Variants in SCARB1 observed in about 807,000 individuals in gnomAD.
SCARB1 encodes the protein scavenger receptor class B member 1.
Under a neutral mutation model 57.2 loss-of-function variants are expected in SCARB1, and 30 were observed. The observed-to-expected ratio is 0.52, with a 90% CI of 0.39 to 0.71. SCARB1 has a LOEUF of 0.71. Ranked by LOEUF, SCARB1 falls within the 30% of genes least tolerant of loss-of-function variation. SCARB1 has a pLI of 0.00. For missense variants in SCARB1, 543 were observed against 671.2 expected, an observed-to-expected ratio of 0.81 and a Z score of 2.11; for synonymous variants, 249 against 268.3, an observed-to-expected ratio of 0.93 and a Z score of 0.70.
At chr12:124,813,632 C>T (rs112075128) in intron 4 of SCARB1, among the ~76,000 whole-genome samples, 3,928 of 152,266 alleles carry the variant, frequency 0.026, 184 homozygotes, top group African/African-American at 0.088. Flanking sequence ...TTTACCCACA[C>T]GACAGGAGCC....
intron 8 of SCARB1, among the ~76,000 whole-genome samples, chr12:124,797,977 A>G (rs1204042917): frequency 1.3e-5 from 2 of 152,236 alleles, no homozygotes; most frequent in African/African-American, 4.8e-5. Context: ...AGAGGAAATG[A>G]AATCAGTGTG....
intron 1 of SCARB1, among the ~76,000 whole-genome samples, chr12:124,834,552 T>C (rs1209644049): frequency 1.3e-5 from 2 of 152,214 alleles, no homozygotes; most frequent in African/African-American, 4.8e-5. Flanking sequence ...GCTTGGGGAT[T>C]TTCTTTTGCT....
chr12:124,808,825 G>A (rs1950413878), intron 6 of SCARB1, among the ~76,000 whole-genome samples: 2 of 148,952 alleles, frequency 1.3e-5, no homozygotes, highest in African/African-American at 5.1e-5. Context: ...TCTAATACTT[G>A]CTAGCAAAAA....
intron 8 of SCARB1, among the ~76,000 whole-genome samples, chr12:124,795,767 C>A (rs1299799454): frequency 6.6e-6 from 1 of 152,200 alleles, no homozygotes; most frequent in African/African-American, 2.4e-5. Context: ...GTCTTTAATA[C>A]CCCTCTAATA....
intron 1 of SCARB1, among the ~76,000 whole-genome samples, chr12:124,832,634 C>G (rs1951452613): frequency 6.6e-6 from 1 of 152,004 alleles, no homozygotes. Flanking sequence ...CAGCTTCAAG[C>G]AAAAGGAAAA....
At chr12:124,855,518 G>C (rs1315705845) in intron 1 of SCARB1, among the ~76,000 whole-genome samples, 1 of 152,194 alleles carries the variant, frequency 6.6e-6, no homozygotes, top group Non-Finnish European at 1.5e-5. Flanking sequence ...GGCCACTTGT[G>C]GGCCAGCAGA....
At chr12:124,815,525 C>G (rs1950678208) in intron 2 of SCARB1, among the ~76,000 whole-genome samples, 1 of 152,194 alleles carries the variant, frequency 6.6e-6, no homozygotes, top group Admixed American at 6.5e-5. Flanking sequence ...TCCTTATGAT[C>G]TCTCATCTCT....
intron 1 of SCARB1, among the ~76,000 whole-genome samples, chr12:124,854,420 A>G (rs150963172): frequency 5.3e-5 from 8 of 152,272 alleles, no homozygotes; most frequent in African/African-American, 1.4e-4. Context: ...CTCCTAGGGG[A>G]CGGGTCTGGC....
rs1230635987 is a variant in SCARB1 at position 124,778,961 on chromosome 12, TTA to T, written c.*1-377_*1-376del. On this transcript the variant is annotated intron_variant, in intron 12 of 12. Transcript: ENST00000261693. Reference sequence around the variant, plus strand: ...GTATGTTTATGTGTTGATTTATTTTTTATTTTTTAGAGACGGTCTCTCTCTGT... The same window carrying T: ...GTATGTTTATGTGTTGATTTATTTTTTTTTTTAGAGACGGTCTCTCTCTGT... 2.0e-5 allele frequency among the ~76,000 whole-genome samples: 3 copies of T among 152,146 alleles called. No individual in the cohort carries two copies. The East Asian group carries it at 5.8e-4, about 29-fold the overall frequency.
intron 11 of SCARB1, chr12:124,785,163 CTGGGCCCAGGCT>C (rs1594182080): frequency 6.6e-6 from 1 of 152,642 alleles, no homozygotes; most frequent in East Asian, 1.9e-4. Context: ...GGCCTCCCCG[CTGGGCCCAGGCT>C]TCCACCCCTC....
Position 124,814,144 on chromosome 12 carries a change from G to C in SCARB1, c.630+58C>G. On this transcript the variant is annotated intron_variant, in intron 4 of 12. Transcript: ENST00000261693. The surrounding 1 kb of genome is among the most constrained non-coding windows in gnomAD (Gnocchi z 4.7). The stretch of plus-strand genomic sequence containing the variant: ...AGCTGGTGACCAGTGTCCAGGCTGT[G>C]TGAGGGGAAGACAGGACACAGGCCT... 4 of 1,507,848 alleles carry C rather than the reference G, an allele frequency of 2.7e-6. No individual in the cohort carries two copies. Among genetic ancestry groups the C allele is most frequent in the Non-Finnish European group, 3.7e-6 (4 of 1,083,842 alleles). The allele number at this position is 1,507,848 out of a possible 1,614,324, so 93.4% of individuals were successfully genotyped here. A position where few individuals can be genotyped will look rare whatever the true frequency, so the allele number is the denominator to read the frequency against.
At chr12:124,805,444 CTGGATCCTTCAGAGAGGCCGGTA>C (rs1950287425) in intron 7 of SCARB1, among the ~76,000 whole-genome samples, 1 of 151,906 alleles carries the variant, frequency 6.6e-6, no homozygotes, top group East Asian at 1.9e-4. Flanking sequence ...GCTGGTGGGG[CTGGATCCTTCAGAGAGGCCGGTA>C]GGGGCTGGAT....
At position 124,814,955 on chromosome 12, in the gene SCARB1, G is replaced by A; in HGVS notation, c.426+18C>T. On this transcript the variant is annotated intron_variant, in intron 3 of 12. Transcript: ENST00000261693. The surrounding 1 kb of genome is among the most constrained non-coding windows in gnomAD (Gnocchi z 4.7). ...GAGGTCAGGGTGCGAGGCGGCGTGG[G>A]CCACAGGGCAGCCTCACCAAGACCA... 6.2e-7 allele frequency: 1 copy of A among 1,614,056 alleles called. No individual in the cohort carries two copies. The highest frequency in any genetic ancestry group is 8.5e-7 in the Non-Finnish European group (1 of 1,179,992).
At chr12:124,855,196 C>G (rs1274613642) in intron 1 of SCARB1, among the ~76,000 whole-genome samples, 1 of 152,202 alleles carries the variant, frequency 6.6e-6, no homozygotes, top group Non-Finnish European at 1.5e-5. Context: ...AGGAAGTGAA[C>G]AAGGTCAGGC....
At chr12:124,791,609 G>A (rs1181022134) in intron 9 of SCARB1, among the ~76,000 whole-genome samples, 3 of 152,194 alleles carry the variant, frequency 2.0e-5, no homozygotes, top group Non-Finnish European at 1.5e-5. Context: ...AGTAGGGAGG[G>A]GAGATGGAAG....
chr12:124,854,926 G>A (rs1952571008), intron 1 of SCARB1, among the ~76,000 whole-genome samples: 1 of 152,162 alleles, frequency 6.6e-6, no homozygotes, highest in African/African-American at 2.4e-5. Context: ...CAATTTGGGA[G>A]TGGTCAGGAC....
rs146284254 is a variant in SCARB1, at chr12:124,817,209, C to T, written c.284+341G>A. On this transcript the variant is annotated intron_variant, in intron 2 of 12. Coordinates refer to ENST00000261693, the MANE Select transcript of SCARB1 (RefSeq NM_005505.5). The surrounding 1 kb of genome is among the most constrained non-coding windows in gnomAD (Gnocchi z 4.8). ...CTCCACCCAGACGCACACCATTGGT[C>T]CCTCCCTGCTCCATAAAGAACCTCT... Among the ~76,000 whole-genome samples, 245 of 151,900 alleles carry T rather than the reference C, an allele frequency of 1.6e-3. 1 individual carries two copies. Among genetic ancestry groups the T allele is most frequent in the African/African-American group, 5.2e-3 (215 of 41,410 alleles).
chr12:124,795,794 C>A (rs1353774205), intron 8 of SCARB1, among the ~76,000 whole-genome samples: 2 of 152,188 alleles, frequency 1.3e-5, no homozygotes, highest in Non-Finnish European at 2.9e-5. Flanking sequence ...CACAAAATCT[C>A]CACTTCTAAC....
chr12:124,846,585 C>A (rs766929896), intron 1 of SCARB1, among the ~76,000 whole-genome samples: 65 of 151,936 alleles, frequency 4.3e-4, no homozygotes, highest in Non-Finnish European at 8.7e-4. Context: ...CCCATCTCTA[C>A]TAAAAATACA....
Sources: gnomAD v4.1 joint callset for allele counts (sites outside exome capture counted in the v4.1 genomes callset) on GRCh38, gnomAD v4.1.1 for gene constraint, Gnocchi (gnomAD v3.1) non-coding constraint, MANE v1.5 for transcripts, NCBI Gene and HGNC (gene_info 2026-07-23, HGNC 2026-07-21) for gene names.